The following EFHC2 variants were observed in gnomAD, a reference collection of about 807,000 sequenced individuals.
EFHC2 encodes the protein EF-hand domain-containing family member C2.
EFHC2 carries 18 observed loss-of-function variants against 52.7 expected under a neutral mutation model. The ratio of observed to expected loss-of-function variants is 0.34; its 90% CI spans 0.24 to 0.51. EFHC2 has a LOEUF of 0.51. Ranked by LOEUF, EFHC2 falls within the 20% of genes least tolerant of loss-of-function variation. The pLI, the probability that EFHC2 is intolerant of heterozygous loss-of-function variation, is 0.97. For synonymous variants in EFHC2, 203 were observed against 204.1 expected (o/e 0.99, Z 0.04); for missense variants, 513 against 562.5 (o/e 0.91, Z 0.89).
At chrX:44,160,112 A>C (rs1364578608) in intron 14 of EFHC2, among the ~76,000 whole-genome samples, 30 of 111,904 alleles carry the variant, frequency 2.7e-4, no homozygotes, top group Non-Finnish European at 3.8e-5. Context: ...TCTGTTCCAC[A>C]TTGCCTCTCA....
chrX:44,254,953 A>G (rs2037480647), intron 4 of EFHC2, among the ~76,000 whole-genome samples: 1 of 111,918 alleles, frequency 8.9e-6, no homozygotes, highest in African/African-American at 3.2e-5. Context: ...GCCACAAGAG[A>G]GTGGGGGCCA....
At position 44,168,144 on chromosome X, in the gene EFHC2, C is replaced by G. The variant is rs183053963; in HGVS notation, c.2043-4117G>C. ...CTCAGAGTCCAGTCGATTTGGCCCACAAAATTCCTGGGAGACTAAGTGACT... is the reference window on the plus strand; with the variant it reads ...CTCAGAGTCCAGTCGATTTGGCCCAGAAAATTCCTGGGAGACTAAGTGACT... On this transcript the variant is annotated intron_variant, in intron 13 of 14. Coordinates refer to ENST00000420999, the MANE Select transcript of EFHC2 (RefSeq NM_025184.4). Among the ~76,000 whole-genome samples, 5 of 111,397 alleles carry G rather than the reference C, an allele frequency of 4.5e-5. No individual in the cohort carries two copies. The Admixed American group carries it at 4.7e-4, about 11-fold the overall frequency.
intron 8 of EFHC2, among the ~76,000 whole-genome samples, chrX:44,235,986 T>C (rs2037317219): frequency 9.0e-6 from 1 of 111,040 alleles, no homozygotes; most frequent in Non-Finnish European, 1.9e-5. Flanking sequence ...AACTTTTCCT[T>C]TTCAAATGCT....
chrX:44,273,322 T>C (rs1352200466), intron 2 of EFHC2, among the ~76,000 whole-genome samples: 6 of 107,884 alleles, frequency 5.6e-5, no homozygotes, highest in Non-Finnish European at 1.1e-4. Flanking sequence ...CTGAAATTCA[T>C]CCAATGCCCT....
intron 9 of EFHC2, among the ~76,000 whole-genome samples, chrX:44,234,842 G>A (rs1221720795): frequency 8.9e-6 from 1 of 111,760 alleles, no homozygotes; most frequent in Non-Finnish European, 1.9e-5. Context: ...CAGACAGAAG[G>A]ACCAGATAAA....
intron 11 of EFHC2, among the ~76,000 whole-genome samples, chrX:44,187,441 G>C (rs541675266): frequency 1.5e-4 from 17 of 110,125 alleles, no homozygotes; most frequent in African/African-American, 5.6e-4. Flanking sequence ...TCTGTTACTA[G>C]ATATTACACA....
intron 13 of EFHC2, 28 bp downstream of exon 13, chrX:44,176,264 C>T: frequency 9.0e-7 from 1 of 1,106,541 alleles, no homozygotes; most frequent in East Asian, 3.1e-5. Flanking sequence ...GCAGGACAAT[C>T]CCTATCAAGA....
At chrX:44,187,453 T>C (rs1363463626) in intron 11 of EFHC2, among the ~76,000 whole-genome samples, 1 of 110,857 alleles carries the variant, frequency 9.0e-6, no homozygotes, top group Non-Finnish European at 1.9e-5. Context: ...TATTACACAT[T>C]TTTTTTCCAA....
intron 4 of EFHC2, among the ~76,000 whole-genome samples, chrX:44,252,776 T>C (rs1434135887): frequency 8.9e-6 from 1 of 112,356 alleles, no homozygotes; most frequent in Non-Finnish European, 1.9e-5. Flanking sequence ...AAAACATTTC[T>C]TAGCTGTTCT....
intron 14 of EFHC2, among the ~76,000 whole-genome samples, chrX:44,158,232 A>G (rs1224947203): frequency 8.9e-6 from 1 of 111,968 alleles, no homozygotes; most frequent in Non-Finnish European, 1.9e-5. Flanking sequence ...AAGCCTACTC[A>G]GCTTTCATCA....
chrX:44,187,970 G>GTT lies in EFHC2; in HGVS notation c.1752-9408_1752-9407dup, dbSNP rs11405024. On this transcript the variant is annotated intron_variant, in intron 11 of 14. Transcript: ENST00000420999. ...ACAGAAGTAAAAGAAAAAAAAAAGT[G>GTT]TTTTTTTTTTTTCTTTCTTTAACAG... Among the ~76,000 whole-genome samples the GTT allele has an allele frequency of 3.5e-3, 325 of 91,762 alleles. 1 individual carries two copies. Among genetic ancestry groups the GTT allele is most frequent in the African/African-American group, 5.6e-3 (139 of 24,827 alleles). The allele number at this position is 91,762 out of a possible 115,157, so 79.7% of individuals were successfully genotyped here.
At chrX:44,171,366 A>G (rs923260660) in intron 13 of EFHC2, among the ~76,000 whole-genome samples, 2 of 111,704 alleles carry the variant, frequency 1.8e-5, no homozygotes, top group Non-Finnish European at 3.8e-5. Flanking sequence ...TGGCAGCTGT[A>G]TTTTGCTGAA....
At chrX:44,289,420 T>C (rs2037775747) in intron 2 of EFHC2, among the ~76,000 whole-genome samples, 1 of 111,017 alleles carries the variant, frequency 9.0e-6, no homozygotes, top group Non-Finnish European at 1.9e-5. Flanking sequence ...CTTGGCTGAG[T>C]TTAGATTTTC....
intron 4 of EFHC2, among the ~76,000 whole-genome samples, chrX:44,256,126 T>C (rs993439310): frequency 1.8e-5 from 2 of 111,435 alleles, no homozygotes; most frequent in African/African-American, 6.5e-5. Context: ...ACTAAAGCAG[T>C]GTTTAGAGGC....
At chrX:44,203,813 A>G (rs1329258602) in intron 11 of EFHC2, among the ~76,000 whole-genome samples, 1 of 109,995 alleles carries the variant, frequency 9.1e-6, no homozygotes, top group Non-Finnish European at 1.9e-5. Flanking sequence ...CTGGCTTTGA[A>G]CTCCTGGCCT....
intron 11 of EFHC2, among the ~76,000 whole-genome samples, chrX:44,222,886 T>C (rs1405896166): frequency 8.9e-6 from 1 of 111,793 alleles, no homozygotes; most frequent in Non-Finnish European, 1.9e-5. Flanking sequence ...CATGCTTATT[T>C]TTTTGTGGTG....
intron 2 of EFHC2, among the ~76,000 whole-genome samples, chrX:44,273,940 AGGGG>A (rs1406508535): frequency 8.9e-6 from 1 of 111,862 alleles, no homozygotes; most frequent in Non-Finnish European, 1.9e-5. Flanking sequence ...TCTACCCTCT[AGGGG>A]TGGTGGTCAG....
At chrX:44,179,607 T>C (rs1283936109) in intron 11 of EFHC2, among the ~76,000 whole-genome samples, 4 of 112,221 alleles carry the variant, frequency 3.6e-5, no homozygotes, top group Non-Finnish European at 7.5e-5. Context: ...AATCTACATC[T>C]ACTTCTCAAG....
intron 9 of EFHC2, 130 bp from the exon 10 acceptor site, chrX:44,232,807 T>C: frequency 1.9e-6 from 1 of 530,736 alleles, no homozygotes; most frequent in Non-Finnish European, 2.9e-6. Context: ...TTGCCTGTTA[T>C]TTTTGGACTT....
Sources: allele counts gnomAD v4.1 joint callset (sites outside exome capture counted in the v4.1 genomes callset), GRCh38; gene constraint gnomAD v4.1.1; transcripts MANE v1.5; gene names NCBI Gene and HGNC (gene_info 2026-07-23, HGNC 2026-07-21).